The following AUTS2 variants were observed in gnomAD, a reference collection of about 807,000 sequenced individuals.
The protein encoded by AUTS2 is activator of transcription and developmental regulator AUTS2.
In AUTS2, 17 loss-of-function variants were observed where a neutral mutation model predicts 112.4. That is an observed-to-expected ratio of 0.15 (90% CI 0.10 to 0.23). The LOEUF is 0.23. AUTS2 is among the 10% of genes least tolerant of loss of function. AUTS2 has a pLI of 1.00. For missense variants in AUTS2, 1,510 were observed against 1,701.6 expected (o/e 0.89, Z 1.98); for synonymous variants, 751 against 702.7 (o/e 1.07, Z -1.09).
At chr7:70,741,265 A>T (rs1005621208) in intron 6 of AUTS2, among the ~76,000 whole-genome samples, 1 of 152,000 alleles carries the variant, frequency 6.6e-6, no homozygotes, top group Non-Finnish European at 1.5e-5. Flanking sequence ...CATGCTGTTC[A>T]CAGTGGTACA....
chr7:70,322,578 G>A (rs1207310508), intron 4 of AUTS2, among the ~76,000 whole-genome samples: 1 of 152,184 alleles, frequency 6.6e-6, no homozygotes, highest in Non-Finnish European at 1.5e-5. Flanking sequence ...GAAGTCAAAT[G>A]TGTTGTTGTT....
chr7:70,722,013 T>A (rs1362289842), intron 6 of AUTS2, among the ~76,000 whole-genome samples: 1 of 152,206 alleles, frequency 6.6e-6, no homozygotes, highest in Non-Finnish European at 1.5e-5. Context: ...TTCCAAAGTG[T>A]GCTTTTTTAC....
chr7:70,776,845 C>T (rs1412569748), intron 13 of AUTS2: 3 of 513,124 alleles, frequency 5.8e-6, no homozygotes, highest in Non-Finnish European at 1.0e-5. Context: ...CCGTCTTGTC[C>T]TTGGTAACCG....
intron 6 of AUTS2, among the ~76,000 whole-genome samples, chr7:70,753,570 G>T (rs1317976710): frequency 1.3e-5 from 2 of 152,200 alleles, no homozygotes; most frequent in Non-Finnish European, 2.9e-5. Context: ...ATTCGTTCAA[G>T]TAATTGAATC....
At chr7:69,680,109 T>C (rs984009791) in intron 1 of AUTS2, among the ~76,000 whole-genome samples, 23 of 152,258 alleles carry the variant, frequency 1.5e-4, no homozygotes, top group Non-Finnish European at 2.9e-4. Context: ...ATGGCACGTG[T>C]ATGTTATTCT....
At chr7:70,764,673 G>C in intron 7 of AUTS2, 79 bp from the exon 8 acceptor site, 1 of 682,916 alleles carries the variant, frequency 1.5e-6, no homozygotes. Flanking sequence ...TTAGGGGAAG[G>C]AGGTAGGATT....
At chr7:70,787,156 G>A (rs754885886) in intron 17 of AUTS2, 53 bp from the exon 18 acceptor site, 22 of 1,556,556 alleles carry the variant, frequency 1.4e-5, no homozygotes, top group Non-Finnish European at 1.8e-5. Flanking sequence ...CTTCATTACA[G>A]CAGATTATAT....
intron 4 of AUTS2, among the ~76,000 whole-genome samples, chr7:70,431,489 G>A (rs555786183): frequency 2.6e-5 from 4 of 152,030 alleles, no homozygotes; most frequent in African/African-American, 7.2e-5. Flanking sequence ...TGGCTCAAGC[G>A]ATTCTCCTGA....
rs77297540 is a variant in AUTS2 at position 69,822,822 on chromosome 7, C to T, written c.310-76464C>T. Among the ~76,000 whole-genome samples the T allele has an allele frequency of 2.9e-3, 445 of 152,280 alleles. 5 individuals are homozygous for T. Among genetic ancestry groups the T allele is most frequent in the African/African-American group, 0.01 (431 of 41,540 alleles). ...GTGGGAGTCTCTTGAGTCCTGATCCCATGAGATCATACATATGGCTGCTAC... is the reference window on the plus strand; with the variant it reads ...GTGGGAGTCTCTTGAGTCCTGATCCTATGAGATCATACATATGGCTGCTAC... On this transcript the variant is annotated intron_variant, in intron 1 of 18. Coordinates refer to ENST00000342771, the MANE Select transcript of AUTS2 (RefSeq NM_015570.4).
chr7:70,461,835 G>A (rs1412591184), intron 5 of AUTS2, among the ~76,000 whole-genome samples: 1 of 152,138 alleles, frequency 6.6e-6, no homozygotes, highest in Non-Finnish European at 1.5e-5. Context: ...GTGGGCGTGG[G>A]TTGTCAGGAC....
chr7:69,926,476 T>TATCTATCA (rs1292485502), intron 2 of AUTS2, among the ~76,000 whole-genome samples: 6 of 151,936 alleles, frequency 3.9e-5, no homozygotes, highest in African/African-American at 1.5e-4. Flanking sequence ...TCTATCTATC[T>TATCTATCA]ATCTATCTAT....
chr7:69,809,815 T>C (rs565856291), intron 1 of AUTS2, among the ~76,000 whole-genome samples: 1 of 152,320 alleles, frequency 6.6e-6, no homozygotes, highest in South Asian at 2.1e-4. Flanking sequence ...CAAATATTTA[T>C]TGAACACCCC....
intron 4 of AUTS2, among the ~76,000 whole-genome samples, chr7:70,310,197 T>C (rs1789674610): frequency 6.6e-6 from 1 of 151,970 alleles, no homozygotes; most frequent in Admixed American, 6.6e-5. Flanking sequence ...ATTGTGGGTC[T>C]AAAGACAAAC....
intron 1 of AUTS2, among the ~76,000 whole-genome samples, chr7:69,872,039 T>C (rs978676372): frequency 6.6e-6 from 1 of 152,212 alleles, no homozygotes; most frequent in African/African-American, 2.4e-5. Flanking sequence ...TTTCTACTCA[T>C]GGACATGTTC....
rs962355551 is a variant in AUTS2 at position 70,672,055 on chromosome 7, G to A, written c.691-26514G>A. ...TGGGTTTGGAGTTAGGGAGGGTGATGGCCTAGGTAAGACCACTGACAATCA... is the reference window on the plus strand; with the variant it reads ...TGGGTTTGGAGTTAGGGAGGGTGATAGCCTAGGTAAGACCACTGACAATCA... On this transcript the variant is annotated intron_variant, in intron 5 of 18. Transcript: ENST00000342771. Among the ~76,000 whole-genome samples the A allele has an allele frequency of 1.3e-5, 2 of 152,332 alleles. 1 individual carries two copies.
intron 6 of AUTS2, among the ~76,000 whole-genome samples, chr7:70,704,191 C>G (rs959279459): frequency 3.3e-5 from 5 of 152,138 alleles, no homozygotes; most frequent in African/African-American, 1.2e-4. Flanking sequence ...GATCTTTTGC[C>G]GAACTTGTGA....
intron 2 of AUTS2, among the ~76,000 whole-genome samples, chr7:70,072,384 GTGTAGGCCATTCACAGC>G (rs932258418): frequency 9.9e-5 from 15 of 152,190 alleles, no homozygotes; most frequent in Non-Finnish European, 2.1e-4. Flanking sequence ...TGAACTTGAT[GTGTAGGCCATTCACAGC>G]TGTTGTCCTC....
At chr7:70,363,465 G>GAAAAAAAAAAAAAA (rs369462886) in intron 4 of AUTS2, among the ~76,000 whole-genome samples, 1 of 110,772 alleles carries the variant, frequency 9.0e-6, no homozygotes, top group Non-Finnish European at 1.9e-5. Flanking sequence ...ATAAAAAAAA[G>GAAAAAAAAAAAAAA]AAAAAAAAAA....
At chr7:70,513,380 A>G (rs1034367202) in intron 5 of AUTS2, among the ~76,000 whole-genome samples, 4 of 152,176 alleles carry the variant, frequency 2.6e-5, no homozygotes, top group African/African-American at 9.7e-5. Context: ...AAGTGGTACA[A>G]TTGTTTTCCA....
Sources: gnomAD v4.1 joint callset for allele counts (sites outside exome capture counted in the v4.1 genomes callset) on GRCh38, gnomAD v4.1.1 for gene constraint, MANE v1.5 for transcripts, NCBI Gene and HGNC (gene_info 2026-07-23, HGNC 2026-07-21) for gene names.